HS6ST3: variants seen among roughly 807,000 people sequenced by gnomAD.
HS6ST3 encodes the protein heparan-sulfate 6-O-sulfotransferase 3.
HS6ST3 carries 12 observed loss-of-function variants against 36.7 expected under a neutral mutation model. The ratio of observed to expected loss-of-function variants is 0.33; its 90% CI spans 0.21 to 0.53. HS6ST3 has a LOEUF of 0.53. Among genes scored for constraint, HS6ST3 ranks in the 20% least tolerant of loss-of-function variants. The probability of loss-of-function intolerance (pLI) is 0.95; values close to 1 mark genes in which losing one functional copy is unlikely to be tolerated. For synonymous variants in HS6ST3, 240 were observed against 257.5 expected (o/e 0.93, Z 0.65); for missense variants, 584 against 640.9 (o/e 0.91, Z 0.96).
At chr13:96,486,332 C>T (rs1420101570) in intron 1 of HS6ST3, among the ~76,000 whole-genome samples, 3 of 152,110 alleles carry the variant, frequency 2.0e-5, no homozygotes, top group African/African-American at 7.2e-5. Flanking sequence ...CATCCGTGTG[C>T]ATGTGTCTTT....
At chr13:96,291,233 A>G (rs909674897) in intron 1 of HS6ST3, among the ~76,000 whole-genome samples, 2 of 152,216 alleles carry the variant, frequency 1.3e-5, no homozygotes, top group Non-Finnish European at 2.9e-5. Flanking sequence ...TTAGGGCCTC[A>G]TATAGTCTCT....
chr13:96,427,187 G>GA (rs941469839), intron 1 of HS6ST3: 12 of 154,316 alleles, frequency 7.8e-5, no homozygotes, highest in Middle Eastern at 5.1e-4. Context: ...TGGTGCATTG[G>GA]AATTAAATGG....
At chr13:96,431,569 A>G (rs1332744200) in intron 1 of HS6ST3, among the ~76,000 whole-genome samples, 2 of 152,200 alleles carry the variant, frequency 1.3e-5, no homozygotes, top group East Asian at 1.9e-4. Flanking sequence ...TCATTTTTAC[A>G]TAATGCCATG....
chr13:96,543,027 G>C (rs150853098), intron 1 of HS6ST3, among the ~76,000 whole-genome samples: 1 of 152,088 alleles, frequency 6.6e-6, no homozygotes, highest in Non-Finnish European at 1.5e-5. Context: ...AGAAACCAAC[G>C]AGAGCTCTGA....
intron 1 of HS6ST3, among the ~76,000 whole-genome samples, chr13:96,158,652 C>CAAAA (rs397954592): frequency 0.013 from 859 of 68,712 alleles, 77 homozygotes; most frequent in East Asian, 0.04. Context: ...GACTCCGTCT[C>CAAAA]AAAAAAAAAA....
intron 1 of HS6ST3, among the ~76,000 whole-genome samples, chr13:96,710,881 C>G (rs1209219428): frequency 1.3e-5 from 2 of 152,218 alleles, no homozygotes; most frequent in Non-Finnish European, 2.9e-5. Context: ...AATTAACTGT[C>G]CCTGTTCTTT....
intron 1 of HS6ST3, among the ~76,000 whole-genome samples, chr13:96,710,071 T>C (rs1429028267): frequency 6.6e-6 from 1 of 152,124 alleles, no homozygotes; most frequent in Non-Finnish European, 1.5e-5. Flanking sequence ...GAAAGGTAGG[T>C]AAGGTAGATG....
At chr13:96,628,338 T>C (rs1391185300) in intron 1 of HS6ST3, among the ~76,000 whole-genome samples, 2 of 152,016 alleles carry the variant, frequency 1.3e-5, no homozygotes, top group African/African-American at 2.4e-5. Flanking sequence ...TTTTTGCTTT[T>C]TATTTTTAAC....
At chr13:96,474,201 G>A (rs1306312379) in intron 1 of HS6ST3, among the ~76,000 whole-genome samples, 7 of 151,878 alleles carry the variant, frequency 4.6e-5, no homozygotes, top group African/African-American at 1.5e-4. Context: ...TTAATGTTAC[G>A]GCTCTGCATT....
chr13:96,374,884 C>T (rs1221332164), intron 1 of HS6ST3, among the ~76,000 whole-genome samples: 1 of 152,120 alleles, frequency 6.6e-6, no homozygotes, highest in African/African-American at 2.4e-5. Flanking sequence ...AACTCACTAG[C>T]TGGCTCAGAT....
At chr13:96,266,017 C>T (rs961983325) in intron 1 of HS6ST3, among the ~76,000 whole-genome samples, 1 of 152,090 alleles carries the variant, frequency 6.6e-6, no homozygotes, top group African/African-American at 2.4e-5. Flanking sequence ...GAATTATCAT[C>T]CCCATATTAT....
intron 1 of HS6ST3, among the ~76,000 whole-genome samples, chr13:96,427,047 A>G (rs2055590734): frequency 6.6e-6 from 1 of 152,234 alleles, no homozygotes; most frequent in South Asian, 2.1e-4. Context: ...GAGCCTCAGG[A>G]ATTTTTAAAG....
chr13:96,717,090 T>C (rs1355502596), intron 1 of HS6ST3, among the ~76,000 whole-genome samples: 1 of 152,234 alleles, frequency 6.6e-6, no homozygotes, highest in Non-Finnish European at 1.5e-5. Context: ...CCTTTGTGTC[T>C]GGGATGTTAG....
At chr13:96,238,576 A>G (rs1284394163) in intron 1 of HS6ST3, among the ~76,000 whole-genome samples, 1 of 152,210 alleles carries the variant, frequency 6.6e-6, no homozygotes, top group Non-Finnish European at 1.5e-5. Context: ...AATTAAAATG[A>G]ATTCTTTCTT....
At position 96,264,489 on chromosome 13, in the gene HS6ST3, G is replaced by T. The variant is rs752530399; in HGVS notation, c.707+172920G>T. 2.0e-5 allele frequency among the ~76,000 whole-genome samples: 3 copies of T among 152,312 alleles called. No homozygotes were observed. The South Asian group carries it at 6.2e-4, about 32-fold the overall frequency. On this transcript the variant is annotated intron_variant, in intron 1 of 1. Transcript: ENST00000376705. ...ACTTGGGAGGCAATTCACACAGCCC[G>T]TGGACCATAGCAAATTAGATTGCTT...
intron 1 of HS6ST3, among the ~76,000 whole-genome samples, chr13:96,209,721 A>G (rs1004518061): frequency 6.6e-6 from 1 of 152,084 alleles, no homozygotes; most frequent in African/African-American, 2.4e-5. Context: ...AGTCCAGCCT[A>G]GGGGGATTGT....
intron 1 of HS6ST3, among the ~76,000 whole-genome samples, chr13:96,215,643 C>T (rs1403197240): frequency 6.6e-6 from 1 of 151,612 alleles, no homozygotes; most frequent in African/African-American, 2.4e-5. Context: ...AGCTTTTTTT[C>T]TGTTGAATTT....
intron 1 of HS6ST3, among the ~76,000 whole-genome samples, chr13:96,794,643 G>T (rs558807309): frequency 6.6e-6 from 1 of 151,922 alleles, no homozygotes; most frequent in South Asian, 2.1e-4. Context: ...TTATATTCTT[G>T]AATTCTAGTG....
At chr13:96,684,970 CAT>C (rs1228957454) in intron 1 of HS6ST3, among the ~76,000 whole-genome samples, 1 of 152,038 alleles carries the variant, frequency 6.6e-6, no homozygotes, top group Non-Finnish European at 1.5e-5. Context: ...ACAACACAAA[CAT>C]ATTTGTACAC....
Sources: gnomAD v4.1 joint callset for allele counts (sites outside exome capture counted in the v4.1 genomes callset) on GRCh38, gnomAD v4.1.1 for gene constraint, MANE v1.5 for transcripts, NCBI Gene and HGNC (gene_info 2026-07-23, HGNC 2026-07-21) for gene names.